Variants in GNAQ observed in about 807,000 individuals in gnomAD.
GNAQ encodes G protein subunit alpha q.
Under a neutral mutation model 43.9 loss-of-function variants are expected in GNAQ, and 8 were observed. The observed-to-expected ratio is 0.18, with a 90% confidence interval of 0.11 to 0.33. GNAQ has a LOEUF of 0.33. Among genes scored for constraint, GNAQ ranks in the 10% least tolerant of loss-of-function variants. The probability of loss-of-function intolerance (pLI) is 1.00; values close to 1 mark genes in which losing one functional copy is unlikely to be tolerated. For missense variants in GNAQ, 158 were observed against 450.8 expected, an observed-to-expected ratio of 0.35 and a Z score of 5.88; for synonymous variants, 155 against 170.7, an observed-to-expected ratio of 0.91 and a Z score of 0.71.
chr9:77,820,580 C>A (rs1827097898), intron 2 of GNAQ, among the ~76,000 whole-genome samples: 1 of 152,118 alleles, frequency 6.6e-6, no homozygotes, highest in Non-Finnish European at 1.5e-5. Context: ...TTTTGAAGCC[C>A]CTCATGAAAA....
intron 5 of GNAQ, among the ~76,000 whole-genome samples, chr9:77,738,903 T>A (rs1251790512): frequency 6.6e-6 from 1 of 152,148 alleles, no homozygotes; most frequent in African/African-American, 2.4e-5. Context: ...ATTCTTAAGT[T>A]ATAGTGGGCT....
intron 2 of GNAQ, among the ~76,000 whole-genome samples, chr9:77,860,107 C>T (rs1049627309): frequency 1.7e-4 from 26 of 152,180 alleles, no homozygotes; most frequent in African/African-American, 5.8e-4. Context: ...TACTCCTAAA[C>T]TGAGATTTCA....
chr9:77,944,483 C>T (rs1829359837), intron 1 of GNAQ, among the ~76,000 whole-genome samples: 2 of 152,120 alleles, frequency 1.3e-5, no homozygotes, highest in South Asian at 4.1e-4. Flanking sequence ...CAAACCATTC[C>T]TATTCCCTCC....
chr9:77,800,730 A>T (rs1306958612), intron 3 of GNAQ, among the ~76,000 whole-genome samples: 1 of 152,200 alleles, frequency 6.6e-6, no homozygotes, highest in African/African-American at 2.4e-5. Flanking sequence ...AATTTAAAAA[A>T]GAAAAAATAA....
chr9:77,734,092 C>T (rs1366404661), intron 5 of GNAQ, among the ~76,000 whole-genome samples: 2 of 152,204 alleles, frequency 1.3e-5, no homozygotes, highest in Non-Finnish European at 2.9e-5. Context: ...CTGCTGTCAT[C>T]GAAGTCAACA....
At chr9:78,025,676 AACCTCCTT>A (rs1486910450) in intron 1 of GNAQ, among the ~76,000 whole-genome samples, 2 of 152,170 alleles carry the variant, frequency 1.3e-5, no homozygotes, top group African/African-American at 4.8e-5. Context: ...AAGCAATCCT[AACCTCCTT>A]ATAAAATGGC....
At chr9:77,966,350 A>T (rs1823167543) in intron 1 of GNAQ, among the ~76,000 whole-genome samples, 1 of 152,242 alleles carries the variant, frequency 6.6e-6, no homozygotes, top group Non-Finnish European at 1.5e-5. Flanking sequence ...CTGTTATTAC[A>T]AAATGTTATT....
chr9:77,909,801 A>G (rs1055148571), intron 2 of GNAQ, among the ~76,000 whole-genome samples: 14 of 152,178 alleles, frequency 9.2e-5, no homozygotes, highest in African/African-American at 3.4e-4. Flanking sequence ...AAAGGTGGTA[A>G]AAGTATACAT....
chr9:77,946,142 A>C (rs777932257), intron 1 of GNAQ, among the ~76,000 whole-genome samples: 1 of 152,234 alleles, frequency 6.6e-6, no homozygotes, highest in Non-Finnish European at 1.5e-5. Context: ...TCTACAGAAC[A>C]ACCACCATGC....
At chr9:77,996,603 G>A (rs752242880) in intron 1 of GNAQ, among the ~76,000 whole-genome samples, 78 of 150,566 alleles carry the variant, frequency 5.2e-4, no homozygotes, top group Admixed American at 1.5e-3. Context: ...ATTTGAACCC[G>A]GGAGGTGGAG....
At chr9:78,014,951 T>C (rs1823819956) in intron 1 of GNAQ, among the ~76,000 whole-genome samples, 1 of 152,142 alleles carries the variant, frequency 6.6e-6, no homozygotes, top group Non-Finnish European at 1.5e-5. Context: ...TGCAACACAT[T>C]AGTCACATGT....
chr9:77,922,461 C>T (rs532555973), intron 1 of GNAQ, 116 bp from the exon 2 acceptor site: 6 of 690,970 alleles, frequency 8.7e-6, no homozygotes, highest in African/African-American at 3.5e-5. Context: ...CTGAGAGGAG[C>T]GACTCTAGAA....
intron 3 of GNAQ, among the ~76,000 whole-genome samples, chr9:77,798,692 C>T (rs1169484816): frequency 2.0e-5 from 3 of 152,130 alleles, no homozygotes; most frequent in African/African-American, 7.2e-5. Context: ...TTTAAATCAA[C>T]CCTAGGTTAC....
intron 1 of GNAQ, among the ~76,000 whole-genome samples, chr9:77,945,845 A>T (rs1333510043): frequency 6.6e-6 from 1 of 152,178 alleles, no homozygotes; most frequent in East Asian, 1.9e-4. Flanking sequence ...TAAAGGCTCT[A>T]GACTGCCTCC....
intron 5 of GNAQ, among the ~76,000 whole-genome samples, chr9:77,787,510 G>A (rs1051371597): frequency 6.6e-5 from 10 of 152,282 alleles, no homozygotes; most frequent in Non-Finnish European, 8.8e-5. Context: ...AATGGTATTG[G>A]CACAACTGAT....
Position 77,815,755 on chromosome 9 carries a change from C to T in GNAQ, c.337G>A (p.Val113Ile), listed in dbSNP as rs1430429958. 6.2e-7 allele frequency: 1 copy of T among 1,611,664 alleles called. No homozygotes were observed. The highest frequency in any genetic ancestry group is 8.5e-7 in the Non-Finnish European group (1 of 1,178,404). The change falls in exon 3 of 7, where the codon GTT becomes ATT. Residue 113 changes from valine to isoleucine, a missense_variant. By Grantham distance (29) the Val-to-Ile change is conservative (BLOSUM62 3). Coordinates refer to ENST00000286548, the MANE Select transcript of GNAQ (RefSeq NM_002072.5). ...ACCTTCTCCACATCAACTTCTCGAA[C>T]TAATTGTGCATGAGCCTGTTTAAAT... ...YEHNKAHAQL[V>I]REVDVEKVSA...
At chr9:77,985,177 G>T (rs548223614) in intron 1 of GNAQ, among the ~76,000 whole-genome samples, 11 of 152,260 alleles carry the variant, frequency 7.2e-5, no homozygotes, top group African/African-American at 2.6e-4. Context: ...AGGCATGGTG[G>T]TAGGTGCCTG....
At chr9:77,902,505 T>C (rs963215148) in intron 2 of GNAQ, among the ~76,000 whole-genome samples, 1 of 152,244 alleles carries the variant, frequency 6.6e-6, no homozygotes, top group Non-Finnish European at 1.5e-5. Flanking sequence ...CAAGATGAGA[T>C]ACTTGGTTTG....
intron 1 of GNAQ, among the ~76,000 whole-genome samples, chr9:77,922,566 C>G (rs1829014711): frequency 6.6e-6 from 1 of 152,148 alleles, no homozygotes; most frequent in Non-Finnish European, 1.5e-5. Flanking sequence ...ATGAAAAACC[C>G]AAACCCGTCA....
Sources: allele counts gnomAD v4.1 joint callset (sites outside exome capture counted in the v4.1 genomes callset), GRCh38; gene constraint gnomAD v4.1.1; transcripts MANE v1.5; gene names NCBI Gene and HGNC (gene_info 2026-07-23, HGNC 2026-07-21).